PXK: variants seen among roughly 807,000 people sequenced by gnomAD.
PXK encodes the protein PX domain-containing protein kinase-like protein.
In PXK, 35 loss-of-function variants were observed where a neutral mutation model predicts 84.7. The ratio of observed to expected loss-of-function variants is 0.41; its 90% CI spans 0.32 to 0.55. The LOEUF (loss-of-function observed/expected upper bound fraction) is 0.55. PXK is among the 20% of genes least tolerant of loss of function. PXK has a pLI of 0.21. For missense variants in PXK, 634 were observed against 699.7 expected, an observed-to-expected ratio of 0.91 and a Z score of 1.06; for synonymous variants, 253 against 260.8, an observed-to-expected ratio of 0.97 and a Z score of 0.29.
At chr3:58,405,403 G>A (rs2059236331) in intron 13 of PXK, among the ~76,000 whole-genome samples, 1 of 152,152 alleles carries the variant, frequency 6.6e-6, no homozygotes, top group Non-Finnish European at 1.5e-5. Flanking sequence ...AATGGCCCGG[G>A]CGTGGTGGCT....
At chr3:58,359,941 A>T (rs1187593385) in intron 1 of PXK, among the ~76,000 whole-genome samples, 1 of 152,180 alleles carries the variant, frequency 6.6e-6, no homozygotes, top group Non-Finnish European at 1.5e-5. Context: ...GGAGGCCAGG[A>T]GTTCGAGACC....
intron 12 of PXK, among the ~76,000 whole-genome samples, chr3:58,402,973 G>A (rs1005452067): frequency 1.3e-5 from 2 of 150,938 alleles, no homozygotes; most frequent in Non-Finnish European, 3.0e-5. Context: ...AAATAGACCC[G>A]GTGTCTGTTG....
At chr3:58,424,719 G>A (rs762536391) in intron 17 of PXK, 33 bp from the exon 18 acceptor site, 13 of 1,605,014 alleles carry the variant, frequency 8.1e-6, no homozygotes, top group Non-Finnish European at 1.1e-5. Flanking sequence ...AGCTGTGGAG[G>A]TGAATACTGA....
rs2107335469 is a variant in PXK, at chr3:58,401,975, C to T, written c.1182-1887C>T. Among the ~76,000 whole-genome samples the T allele has an allele frequency of 6.6e-6, 1 of 152,258 alleles. No individual in the cohort carries two copies. Among genetic ancestry groups the T allele is most frequent in the East Asian group, 1.9e-4 (1 of 5,182 alleles). ...TACTGGCACATGCCTGTAGTTCCAG[C>T]TACTCAGGAGGCCAAGATGGGAGGA... On this transcript the variant is annotated intron_variant, in intron 12 of 17. Transcript: ENST00000356151. The surrounding 1 kb of genome is among the most constrained non-coding windows in gnomAD (Gnocchi z 4.4).
At position 58,391,824 on chromosome 3, in the gene PXK, A is replaced by T. The variant is rs753786285; in HGVS notation, c.592A>T (p.Ile198Phe). The change falls in exon 7 of 18, where the codon ATC becomes TTC. Residue 198 changes from isoleucine (I) to phenylalanine (F), a missense_variant. By Grantham distance (21) the Ile-to-Phe change is conservative. This residue lies in a region of PXK where 353 missense variants were observed against 385.2 expected (regional missense o/e 0.92). Transcript: ENST00000356151. Reference protein sequence around the residue: ...YLSDKDFQCLIKLLPSCLHPY... With the variant: ...YLSDKDFQCLFKLLPSCLHPY... ...GTCAGATAAAGATTTTCAGTGTCTA[A>T]TCAAACTTCTGCCTTCTTGTTTGGT... 6.2e-7 allele frequency: 1 copy of T among 1,612,970 alleles called. No individual in the cohort carries two copies. Among genetic ancestry groups the T allele is most frequent in the Admixed American group, 1.7e-5 (1 of 60,020 alleles).
intron 4 of PXK, among the ~76,000 whole-genome samples, chr3:58,386,211 T>G (rs1483991808): frequency 6.6e-6 from 1 of 151,818 alleles, no homozygotes; most frequent in East Asian, 1.9e-4. Context: ...GAGGGCCAGC[T>G]GTTGTGCAGG....
At position 58,394,993 on chromosome 3, in the gene PXK, G is replaced by A; in HGVS notation, c.616-5G>A. On this transcript the variant is annotated splice_region_variant and splice_polypyrimidine_tract_variant and intron_variant, in intron 7 of 17. Coordinates refer to ENST00000356151, the MANE Select transcript of PXK (RefSeq NM_017771.5). ...TCAATGTGAATTTCTTTTTTGTTTTGACAGCACCCTTACATCTATCGGGTT... is the reference window on the plus strand; with the variant it reads ...TCAATGTGAATTTCTTTTTTGTTTTAACAGCACCCTTACATCTATCGGGTT... 6.3e-7 allele frequency: 1 copy of A among 1,598,720 alleles called. No homozygotes were observed. The highest frequency in any genetic ancestry group is 1.3e-5 in the African/African-American group (1 of 74,538).
chr3:58,340,887 C>T (rs549489942), intron 1 of PXK, among the ~76,000 whole-genome samples: 9 of 152,098 alleles, frequency 5.9e-5, no homozygotes, highest in African/African-American at 2.2e-4. Context: ...TTTTAGCACC[C>T]TGAGAAAGGG....
rs966626857 is a variant in PXK at position 58,400,742 on chromosome 3, G to A, written c.1181+1365G>A. On this transcript the variant is annotated intron_variant, in intron 12 of 17. Coordinates refer to ENST00000356151, the MANE Select transcript of PXK (RefSeq NM_017771.5). The surrounding 1 kb of genome is among the most constrained non-coding windows in gnomAD (Gnocchi z 4.0). ...CCTGGCCAACGTGTGGTGAAACCCTGTCTCTACTAAGAAAATATAAAAAAT... is the reference window on the plus strand; with the variant it reads ...CCTGGCCAACGTGTGGTGAAACCCTATCTCTACTAAGAAAATATAAAAAAT... 3.3e-5 allele frequency among the ~76,000 whole-genome samples: 5 copies of A among 152,016 alleles called. No homozygotes were observed. Among genetic ancestry groups the A allele is most frequent in the Admixed American group, 3.3e-4 (5 of 15,264 alleles).
chr3:58,338,268 A>G (rs2097659656), intron 1 of PXK, among the ~76,000 whole-genome samples: 1 of 146,740 alleles, frequency 6.8e-6, no homozygotes, highest in Non-Finnish European at 1.5e-5. Flanking sequence ...TTAACCCGGG[A>G]GGTGGAGGCT....
rs532290379 is a variant in PXK, at chr3:58,413,107, G to A, written c.1528+144G>A. 1.1e-4 allele frequency: 95 copies of A among 863,274 alleles called. 1 individual carries two copies. In the South Asian group the frequency reaches 1.3e-3, roughly 12 times the overall value. 53.5% of individuals were successfully genotyped at this position (863,274 alleles called of 1,614,324 possible). A position where few individuals can be genotyped will look rare whatever the true frequency, so the allele number is the denominator to read the frequency against. On this transcript the variant is annotated intron_variant, in intron 17 of 17. Transcript: ENST00000356151. ...GAGAAATCAGTGGGAGTGCAAATTA[G>A]CAGTGTCATTTGGGAGAGCTGAGGG...
Position 58,402,309 on chromosome 3 carries a change from G to A in PXK, c.1182-1553G>A, listed in dbSNP as rs185400622. On this transcript the variant is annotated intron_variant, in intron 12 of 17. Transcript: ENST00000356151. ...TTTGAGAGTCTTGCTATGTTATGCA[G>A]GCTGATCTTAAACTCCTGAGCTCAA... Among the ~76,000 whole-genome samples, 24 of 141,406 alleles carry A rather than the reference G, an allele frequency of 1.7e-4. No homozygotes were observed. The East Asian group carries it at 5.1e-3, about 30-fold the overall frequency. The allele number at this position is 141,406 out of a possible 152,430, so 92.8% of individuals were successfully genotyped here. A position where few individuals can be genotyped will look rare whatever the true frequency, so the allele number is the denominator to read the frequency against.
intron 3 of PXK, among the ~76,000 whole-genome samples, chr3:58,374,911 G>A (rs1404185094): frequency 6.6e-6 from 1 of 152,110 alleles, no homozygotes; most frequent in Non-Finnish European, 1.5e-5. Context: ...TAAACTTAGG[G>A]CAGGAAAACC....
rs1035886559 is a variant in PXK at position 58,398,650 on chromosome 3, G to A, written c.1103-649G>A. Among the ~76,000 whole-genome samples the A allele has an allele frequency of 6.6e-6, 1 of 152,194 alleles. No individual in the cohort carries two copies. Among genetic ancestry groups the A allele is most frequent in the Non-Finnish European group, 1.5e-5 (1 of 68,026 alleles). ...CCAGGACCCTTTCATCCCCTCCACA[G>A]CCAGGCTGGCACCCACAGCTGGAGC... On this transcript the variant is annotated intron_variant, in intron 11 of 17. Coordinates refer to ENST00000356151, the MANE Select transcript of PXK (RefSeq NM_017771.5). This position sits in a 1 kb window ranked among gnomAD's most constrained non-coding sequence, Gnocchi z 4.5.
In PXK at chr3:58,425,027, A is replaced by G; in HGVS notation, c.*67A>G. On this transcript the variant is annotated 3_prime_UTR_variant, in exon 18 of 18. Coordinates refer to ENST00000356151, the MANE Select transcript of PXK (RefSeq NM_017771.5). ...CCTACTCACCCCTACCCCCCAAACT[A>G]CCCTCTTCCTGGGAAAGTAATTGCT... is the stretch of plus-strand genomic sequence containing the variant. 1 of 1,563,748 alleles carries G rather than the reference A, an allele frequency of 6.4e-7. No homozygotes were observed. Among genetic ancestry groups the G allele is most frequent in the Non-Finnish European group, 8.7e-7 (1 of 1,153,240 alleles).
intron 1 of PXK, among the ~76,000 whole-genome samples, chr3:58,342,634 C>CAAAAAAAA (rs71091369): frequency 1.1e-4 from 13 of 113,440 alleles, no homozygotes; most frequent in East Asian, 3.1e-4. Context: ...GACTCTGTCT[C>CAAAAAAAA]AAAAAAAAAA....
rs1170470826 is a variant in PXK at position 58,400,802 on chromosome 3, G to A, written c.1181+1425G>A. On this transcript the variant is annotated intron_variant, in intron 12 of 17. Coordinates refer to ENST00000356151, the MANE Select transcript of PXK (RefSeq NM_017771.5). This position sits in a 1 kb window ranked among gnomAD's most constrained non-coding sequence, Gnocchi z 4.0. Reference sequence around the variant, plus strand: ...ATGGTGGCACACTCCTGTAATCCCAGCTACTCAGGAGGCTGAGGCAGAAGA... The same window carrying A: ...ATGGTGGCACACTCCTGTAATCCCAACTACTCAGGAGGCTGAGGCAGAAGA... Among the ~76,000 whole-genome samples, 5 of 152,144 alleles carry A rather than the reference G, an allele frequency of 3.3e-5. No homozygotes were observed. Among genetic ancestry groups the A allele is most frequent in the Admixed American group, 2.6e-4 (4 of 15,278 alleles).
At chr3:58,355,178 C>T (rs552963448) in intron 1 of PXK, among the ~76,000 whole-genome samples, 178 of 151,676 alleles carry the variant, frequency 1.2e-3, no homozygotes, top group African/African-American at 4.0e-3. Context: ...ATGCCTGTGC[C>T]CAGGCCAGAC....
chr3:58,334,774 T>C (rs968278192), intron 1 of PXK, among the ~76,000 whole-genome samples: 11 of 152,202 alleles, frequency 7.2e-5, no homozygotes, highest in Admixed American at 2.6e-4. Flanking sequence ...TTCAAATGTG[T>C]TTATCAAATG....
Sources: gnomAD v4.1 joint callset for allele counts (sites outside exome capture counted in the v4.1 genomes callset) on GRCh38, gnomAD v4.1.1 for gene constraint, gnomAD v4.1.1 regional missense constraint, Gnocchi (gnomAD v3.1) non-coding constraint, MANE v1.5 for transcripts, NCBI Gene and HGNC (gene_info 2026-07-23, HGNC 2026-07-21) for gene names.